The following TLK1 variants were observed in gnomAD, a reference collection of about 807,000 sequenced individuals.
TLK1 encodes serine/threonine-protein kinase tousled-like 1.
TLK1 carries 24 observed loss-of-function variants against 105.3 expected under a neutral mutation model. The observed-to-expected ratio is 0.23, with a 90% confidence interval of 0.17 to 0.32. The LOEUF (loss-of-function observed/expected upper bound fraction) is 0.32, where lower values mean the gene tolerates loss of function less well. TLK1 is among the 10% of genes least tolerant of loss of function. TLK1 has a pLI of 1.00. For missense variants in TLK1, 558 were observed against 910.5 expected, an observed-to-expected ratio of 0.61 and a Z score of 4.98; for synonymous variants, 321 against 310.4, an observed-to-expected ratio of 1.03 and a Z score of -0.36.
At position 171,215,459 on chromosome 2, in the gene TLK1, T is replaced by C. The variant is rs145916010; in HGVS notation, c.-6+15686A>G. Among the ~76,000 whole-genome samples, 10 of 152,292 alleles carry C rather than the reference T, an allele frequency of 6.6e-5. No individual in the cohort carries two copies. The East Asian group carries it at 1.9e-3, about 29-fold the overall frequency. On this transcript the variant is annotated intron_variant, in intron 1 of 20. Coordinates refer to the TLK1 transcript ENST00000521943. Reference sequence around the variant, plus strand: ...GTCTGCATTCAGGCTCTGCTGTGGCTGGAGTTAGGTCACACTAGGCAGAGC... The same window carrying C: ...GTCTGCATTCAGGCTCTGCTGTGGCCGGAGTTAGGTCACACTAGGCAGAGC...
At chr2:171,068,196 G>A (rs1000550726) in intron 3 of TLK1, among the ~76,000 whole-genome samples, 1 of 152,082 alleles carries the variant, frequency 6.6e-6, no homozygotes, top group Non-Finnish European at 1.5e-5. Context: ...AGATCTGGTG[G>A]TGAGCACCTG....
At chr2:171,164,670 T>C (rs1441317409), upstream of TLK1, among the ~76,000 whole-genome samples, 1 of 152,224 alleles carries the variant, frequency 6.6e-6, no homozygotes, top group Non-Finnish European at 1.5e-5. Context: ...ATTGAAGTAA[T>C]TGAAGCATAA....
At chr2:171,073,762 C>CT (rs1688365191) in intron 3 of TLK1, among the ~76,000 whole-genome samples, 1 of 150,422 alleles carries the variant, frequency 6.6e-6, no homozygotes, top group African/African-American at 2.4e-5. Flanking sequence ...ACTGTTTTCT[C>CT]TTTAAAAAAA....
At chr2:171,103,173 T>G (rs530503860) in intron 2 of TLK1, among the ~76,000 whole-genome samples, 1 of 151,932 alleles carries the variant, frequency 6.6e-6, no homozygotes, top group South Asian at 2.1e-4. Flanking sequence ...TTCTGATCTG[T>G]GTGGGGCACA....
upstream of TLK1, among the ~76,000 whole-genome samples, chr2:171,163,766 C>CTGCACCCA (rs1436635099): frequency 6.6e-6 from 1 of 151,896 alleles, no homozygotes; most frequent in Non-Finnish European, 1.5e-5. Context: ...TTAATTGTCA[C>CTGCACCCA]CCAGGCTGGA....
At chr2:171,075,981 G>A (rs528015520) in intron 3 of TLK1, among the ~76,000 whole-genome samples, 2 of 152,310 alleles carry the variant, frequency 1.3e-5, no homozygotes, top group Admixed American at 1.3e-4. Context: ...ACTTTGGGAG[G>A]ATGAAGTGGG....
chr2:171,101,807 A>G (rs147868015), intron 2 of TLK1, among the ~76,000 whole-genome samples: 1 of 152,326 alleles, frequency 6.6e-6, no homozygotes, highest in African/African-American at 2.4e-5. Context: ...GTTTTTTTAA[A>G]AAACACCCAT....
chr2:170,995,864 G>T (rs1031850066), intron 20 of TLK1, among the ~76,000 whole-genome samples: 4 of 152,076 alleles, frequency 2.6e-5, no homozygotes, highest in African/African-American at 9.7e-5. Context: ...CCCTACACCG[G>T]GCTAATTTTT....
chr2:171,189,132 C>T (rs1693093725), intron 1 of TLK1, among the ~76,000 whole-genome samples: 1 of 151,228 alleles, frequency 6.6e-6, no homozygotes, highest in East Asian at 1.9e-4. Context: ...ATTTAAATAA[C>T]ATTGAAAGAT....
At chr2:171,186,976 T>G (rs1693036443) in intron 1 of TLK1, among the ~76,000 whole-genome samples, 1 of 140,564 alleles carries the variant, frequency 7.1e-6, no homozygotes. Context: ...AAGAATCGTT[T>G]GAACCTGGGA....
At chr2:171,038,245 G>C (rs1686472053) in intron 11 of TLK1, among the ~76,000 whole-genome samples, 1 of 151,976 alleles carries the variant, frequency 6.6e-6, no homozygotes, top group Admixed American at 6.6e-5. Flanking sequence ...AATTGTATCA[G>C]GTTTTTTCCC....
chr2:171,058,582 T>C (rs1427766615), intron 4 of TLK1, among the ~76,000 whole-genome samples: 2 of 152,202 alleles, frequency 1.3e-5, no homozygotes, highest in African/African-American at 4.8e-5. Flanking sequence ...AGGAATGTTA[T>C]TTTGTAAAAT....
chr2:171,037,482 A>G (rs940055950), intron 11 of TLK1, among the ~76,000 whole-genome samples: 1 of 151,848 alleles, frequency 6.6e-6, no homozygotes, highest in Non-Finnish European at 1.5e-5. Context: ...CCAAGAGTAC[A>G]GCATGGAGAT....
chr2:171,110,904 T>C (rs1038827674), intron 2 of TLK1, among the ~76,000 whole-genome samples: 1 of 152,192 alleles, frequency 6.6e-6, no homozygotes, highest in Admixed American at 6.5e-5. Context: ...GAAAGTCCCA[T>C]AACCGAACAC....
At chr2:171,166,826 T>C (rs1692618189) in intron 1 of TLK1, among the ~76,000 whole-genome samples, 1 of 152,192 alleles carries the variant, frequency 6.6e-6, no homozygotes, top group Non-Finnish European at 1.5e-5. Flanking sequence ...ATTACCCAAA[T>C]GTCCGTCAAC....
intron 1 of TLK1, among the ~76,000 whole-genome samples, chr2:171,230,602 C>T (rs1693978131): frequency 6.6e-6 from 1 of 152,202 alleles, no homozygotes; most frequent in Admixed American, 6.5e-5. Flanking sequence ...CCAGACTCCT[C>T]AGGGAGATAG....
At chr2:171,163,157 T>G (rs972735849), upstream of TLK1, among the ~76,000 whole-genome samples, 11 of 152,228 alleles carry the variant, frequency 7.2e-5, no homozygotes, top group African/African-American at 2.7e-4. Context: ...GCATTATCAA[T>G]AGTTTGTTTT....
chr2:171,067,966 G>A (rs949964714), intron 3 of TLK1, among the ~76,000 whole-genome samples: 4 of 152,002 alleles, frequency 2.6e-5, no homozygotes, highest in African/African-American at 9.7e-5. Flanking sequence ...CTTTTTTATG[G>A]CTGCATAGTA....
intron 2 of TLK1, among the ~76,000 whole-genome samples, chr2:171,090,207 A>C (rs1018710640): frequency 5.3e-5 from 8 of 152,224 alleles, no homozygotes; most frequent in Admixed American, 2.6e-4. Flanking sequence ...TAAAGATTTA[A>C]TAACATATTT....
Sources: gnomAD v4.1 joint callset for allele counts (sites outside exome capture counted in the v4.1 genomes callset) on GRCh38, gnomAD v4.1.1 for gene constraint, MANE v1.5 for transcripts, NCBI Gene and HGNC (gene_info 2026-07-23, HGNC 2026-07-21) for gene names.